The following MYH9 variants were observed in gnomAD, a reference collection of about 807,000 sequenced individuals.
MYH9 encodes the protein myosin-9.
Under a neutral mutation model 241.9 loss-of-function variants are expected in MYH9, and 29 were observed. The observed-to-expected ratio is 0.12, with a 90% CI of 0.09 to 0.16. The LOEUF is 0.16. Ranked by LOEUF, MYH9 falls within the 10% of genes least tolerant of loss-of-function variation. The pLI is 1.00. For missense variants in MYH9, 1,803 were observed against 2,595.5 expected (o/e 0.69, Z 6.63); for synonymous variants, 1,047 against 1,062.6 (o/e 0.99, Z 0.29).
At chr22:36,312,874 C>G (rs943035335) in intron 13 of MYH9, among the ~76,000 whole-genome samples, 1 of 151,450 alleles carries the variant, frequency 6.6e-6, no homozygotes, top group Admixed American at 6.6e-5. Context: ...TTTGGGAGGC[C>G]GAGGCGGGCG....
At chr22:36,366,940 A>G (rs1445870016) in intron 1 of MYH9, among the ~76,000 whole-genome samples, 2 of 152,150 alleles carry the variant, frequency 1.3e-5, no homozygotes, top group African/African-American at 2.4e-5. Context: ...TCACGTGTGC[A>G]CACTCTACAA....
intron 1 of MYH9, among the ~76,000 whole-genome samples, chr22:36,353,121 G>A (rs150045297): frequency 5.8e-5 from 6 of 104,264 alleles, no homozygotes; most frequent in Admixed American, 8.2e-5. Context: ...GTGTGTGTGT[G>A]TGTGTGTGTG....
At chr22:36,336,261 C>G (rs1288487280) in intron 3 of MYH9, among the ~76,000 whole-genome samples, 4 of 152,266 alleles carry the variant, frequency 2.6e-5, no homozygotes, top group Non-Finnish European at 5.9e-5. Context: ...GGGCTCATGT[C>G]AAATTCCTCA....
chr22:36,325,319 C>T (rs1603483542), intron 5 of MYH9, among the ~76,000 whole-genome samples: 1 of 152,174 alleles, frequency 6.6e-6, no homozygotes, highest in South Asian at 2.1e-4. Flanking sequence ...GAAGACTGTA[C>T]TCATTAGGCC....
At chr22:36,319,718 C>T in intron 9 of MYH9, 83 bp from the exon 10 acceptor site, 1 of 1,372,382 alleles carries the variant, frequency 7.3e-7, no homozygotes. Context: ...TCTAGGGATC[C>T]TCAAGCCAGA....
chr22:36,291,355 G>A (rs189121839), intron 31 of MYH9, among the ~76,000 whole-genome samples: 154 of 152,330 alleles, frequency 1.0e-3, no homozygotes, highest in Admixed American at 2.5e-3. Flanking sequence ...TCTGCCTTGG[G>A]ATCTTGTTGA....
At chr22:36,358,090 C>T (rs1432254766) in intron 1 of MYH9, among the ~76,000 whole-genome samples, 2 of 152,186 alleles carry the variant, frequency 1.3e-5, no homozygotes, top group African/African-American at 4.8e-5. Context: ...CAGCTCACCC[C>T]ACCCTGGGAA....
At chr22:36,358,029 C>T (rs62230200) in intron 1 of MYH9, among the ~76,000 whole-genome samples, 57,861 of 152,058 alleles carry the variant, frequency 0.38, 13,690 homozygotes, top group Non-Finnish European at 0.54. Context: ...GGAAGACAAG[C>T]GGGAGCCACA....
At chr22:36,343,172 G>A (rs1397242021) in intron 2 of MYH9, among the ~76,000 whole-genome samples, 2 of 152,090 alleles carry the variant, frequency 1.3e-5, no homozygotes, top group African/African-American at 2.4e-5. Flanking sequence ...TATGGCACAG[G>A]GAATTTCCAA....
chr22:36,367,581 C>A (rs996392827), intron 1 of MYH9, among the ~76,000 whole-genome samples: 7 of 152,222 alleles, frequency 4.6e-5, no homozygotes, highest in Non-Finnish European at 1.0e-4. Context: ...GACTGGGTTG[C>A]GGCAGCACCC....
At chr22:36,385,323 T>G (rs1417774559) in intron 1 of MYH9, among the ~76,000 whole-genome samples, 1 of 152,114 alleles carries the variant, frequency 6.6e-6, no homozygotes, top group East Asian at 1.9e-4. Flanking sequence ...AGTACTTTAT[T>G]GAAGAATTAG....
intron 1 of MYH9, among the ~76,000 whole-genome samples, chr22:36,355,994 G>A (rs1161383805): frequency 3.0e-4 from 45 of 152,214 alleles, no homozygotes; most frequent in Admixed American, 2.9e-3. Flanking sequence ...GTGACCTTGG[G>A]TGAGCCATTT....
intron 7 of MYH9, among the ~76,000 whole-genome samples, chr22:36,321,229 G>GC (rs1260893653): frequency 6.6e-6 from 1 of 152,198 alleles, no homozygotes; most frequent in Non-Finnish European, 1.5e-5. Context: ...ACAGGCGTGA[G>GC]CCACTGTGCC....
rs1432634866 is a variant in MYH9, at chr22:36,378,902, G to A, written c.-20+8905C>T. On this transcript the variant is annotated intron_variant, in intron 1 of 40. Coordinates refer to ENST00000216181, the MANE Select transcript of MYH9 (RefSeq NM_002473.6). ...ATTTGGAAAGGCACTGGGTATGAGC[G>A]AAACCAGGGGCCAAGGTTTTCTACC... Among the ~76,000 whole-genome samples, 5 of 151,906 alleles carry A rather than the reference G, an allele frequency of 3.3e-5. 1 individual carries two copies. The highest frequency in any genetic ancestry group is 4.8e-5 in the African/African-American group (2 of 41,322).
At chr22:36,318,743 CA>C (rs2017200869) in intron 10 of MYH9, among the ~76,000 whole-genome samples, 1 of 152,114 alleles carries the variant, frequency 6.6e-6, no homozygotes, top group Admixed American at 6.5e-5. Flanking sequence ...GGGCACGGAA[CA>C]GCACAGGATC....
chr22:36,326,698 T>C (rs1274032383), intron 4 of MYH9, 37 bp from the exon 5 acceptor site: 3 of 1,569,278 alleles, frequency 1.9e-6, no homozygotes, highest in South Asian at 1.1e-5. Flanking sequence ...GGCTTAGGCA[T>C]GGCCAAGTCC....
chr22:36,289,002 C>T, intron 32 of MYH9, 63 bp from the exon 33 acceptor site: 1 of 1,612,712 alleles, frequency 6.2e-7, no homozygotes, highest in Non-Finnish European at 8.5e-7. Context: ...TCTGCGCGAC[C>T]CGGAGTCTGT....
chr22:36,381,200 A>G (rs964161731), intron 1 of MYH9, among the ~76,000 whole-genome samples: 4 of 152,146 alleles, frequency 2.6e-5, no homozygotes, highest in African/African-American at 9.7e-5. Flanking sequence ...AAAATAAGAA[A>G]TAGCTGAATT....
chr22:36,316,604 C>T lies in MYH9; in HGVS notation c.1293G>A (p.Leu431=). Residue 431 remains leucine, a synonymous_variant, in exon 12 of 41, where the codon CTG becomes CTA. Transcript: ENST00000216181. ...TCTTGTCCAGAGCCTTGTTGATGCGCAGCACCAGCCAGCGGAACATCCGCT... is the reference window on the plus strand; with the variant it reads ...TCTTGTCCAGAGCCTTGTTGATGCGTAGCACCAGCCAGCGGAACATCCGCT... ...TYERMFRWLV[L]RINKALDKTK... is the part of the protein sequence containing the mutation. 6.2e-7 allele frequency: 1 copy of T among 1,614,070 alleles called. No homozygotes were observed. The highest frequency in any genetic ancestry group is 1.1e-5 in the South Asian group (1 of 91,086).
Sources: allele counts gnomAD v4.1 joint callset (sites outside exome capture counted in the v4.1 genomes callset), GRCh38; gene constraint gnomAD v4.1.1; transcripts MANE v1.5; gene names NCBI Gene and HGNC (gene_info 2026-07-23, HGNC 2026-07-21).